CALN1: variants seen among roughly 807,000 people sequenced by gnomAD.
CALN1 encodes the protein calneuron 1.
CALN1 carries 17 observed loss-of-function variants against 30.6 expected under a neutral mutation model. The ratio of observed to expected loss-of-function variants is 0.56; its 90% CI spans 0.38 to 0.83. The LOEUF (loss-of-function observed/expected upper bound fraction) is 0.83, where lower values mean the gene tolerates loss of function less well. Among genes scored for constraint, CALN1 ranks in the 40% least tolerant of loss-of-function variants. The probability of loss-of-function intolerance (pLI) is 0.00; values close to 1 mark genes in which losing one functional copy is unlikely to be tolerated. For synonymous variants in CALN1, 156 were observed against 131.4 expected, an observed-to-expected ratio of 1.19 and a Z score of -1.28; for missense variants, 291 against 354.9, an observed-to-expected ratio of 0.82 and a Z score of 1.45.
intron 5 of CALN1, among the ~76,000 whole-genome samples, chr7:71,958,263 G>A (rs1473475339): frequency 1.3e-5 from 2 of 151,950 alleles, no homozygotes; most frequent in Admixed American, 1.3e-4. Flanking sequence ...CCCCCTTTAT[G>A]GAGTCCCCAG....
At chr7:72,070,824 C>G (rs1804340846) in intron 4 of CALN1, among the ~76,000 whole-genome samples, 1 of 152,162 alleles carries the variant, frequency 6.6e-6, no homozygotes, top group African/African-American at 2.4e-5. Flanking sequence ...GTCTCCTCCC[C>G]TGTCTATAAT....
intron 3 of CALN1, among the ~76,000 whole-genome samples, chr7:72,163,037 T>C (rs1788229343): frequency 6.6e-6 from 1 of 152,238 alleles, no homozygotes; most frequent in Non-Finnish European, 1.5e-5. Flanking sequence ...CTGAAAGTGC[T>C]GAGCAGAGAT....
At chr7:72,325,671 C>T (rs1026746366) in intron 2 of CALN1, among the ~76,000 whole-genome samples, 2 of 152,022 alleles carry the variant, frequency 1.3e-5, no homozygotes, top group Non-Finnish European at 2.9e-5. Context: ...AATGCAGGAA[C>T]CAAGTCAGTT....
intron 4 of CALN1, among the ~76,000 whole-genome samples, chr7:72,046,162 A>C (rs1802457541): frequency 6.6e-6 from 1 of 151,978 alleles, no homozygotes; most frequent in African/African-American, 2.4e-5. Flanking sequence ...GAAATACAAA[A>C]ATAAGCTGGG....
chr7:71,881,787 C>A (rs1330930076), intron 5 of CALN1, among the ~76,000 whole-genome samples: 2 of 151,982 alleles, frequency 1.3e-5, no homozygotes, highest in Non-Finnish European at 2.9e-5. Context: ...GCTTTGGAGG[C>A]CATAGCTGAG....
intron 2 of CALN1, chr7:72,337,331 C>T (rs1037488830): frequency 1.0e-5 from 10 of 960,910 alleles, no homozygotes; most frequent in Middle Eastern, 5.3e-4. Flanking sequence ...GGAGCCCCCA[C>T]CCCCCAACCT....
At chr7:71,973,078 T>C (rs776939897) in intron 5 of CALN1, among the ~76,000 whole-genome samples, 4 of 152,154 alleles carry the variant, frequency 2.6e-5, no homozygotes, top group Non-Finnish European at 5.9e-5. Flanking sequence ...GATGGTCTCA[T>C]TAACAGCAAC....
chr7:72,356,738 C>G (rs1803255043), intron 2 of CALN1, among the ~76,000 whole-genome samples: 1 of 151,858 alleles, frequency 6.6e-6, no homozygotes, highest in South Asian at 2.1e-4. Context: ...AATCAAAGAA[C>G]TAGAAGAACG....
chr7:72,336,709 G>A, intron 2 of CALN1: 1 of 985,660 alleles, frequency 1.0e-6, no homozygotes, highest in Non-Finnish European at 1.2e-6. Context: ...CTCACCTCTT[G>A]CTGGGCCGGG....
At chr7:72,199,803 A>C (rs573669) in intron 3 of CALN1, among the ~76,000 whole-genome samples, 1 of 152,006 alleles carries the variant, frequency 6.6e-6, no homozygotes, top group Non-Finnish European at 1.5e-5. Context: ...TTGCACCACT[A>C]TACTCCAGCC....
rs549227753 is a variant in CALN1 at position 72,023,635 on chromosome 7, G to A, written c.501+22C>T. On this transcript the variant is annotated intron_variant, in intron 5 of 6. Transcript: ENST00000395275. ...ACACATTTACTGTCAAACTTAGTCT[G>A]AAAAAAAATATTCTTACTCACCTGC... 5.7e-6 allele frequency: 9 copies of A among 1,584,636 alleles called. No individual in the cohort carries two copies. The African/African-American group carries it at 1.2e-4, about 21-fold the overall frequency.
chr7:72,186,266 G>GA (rs1373055496), intron 3 of CALN1, among the ~76,000 whole-genome samples: 1 of 152,114 alleles, frequency 6.6e-6, no homozygotes, highest in Non-Finnish European at 1.5e-5. Flanking sequence ...CTCAAATGGT[G>GA]ACTGTAGTTA....
At chr7:71,939,777 G>C (rs1016214947) in intron 5 of CALN1, among the ~76,000 whole-genome samples, 13 of 152,142 alleles carry the variant, frequency 8.5e-5, no homozygotes, top group African/African-American at 2.9e-4. Flanking sequence ...AGGACACAGA[G>C]GATACCTAGG....
At chr7:72,336,505 C>T (rs896940203) in intron 2 of CALN1, among the ~76,000 whole-genome samples, 4 of 152,094 alleles carry the variant, frequency 2.6e-5, no homozygotes, top group Admixed American at 6.5e-5. Context: ...CCGGCGCGGC[C>T]CCCAGCCCGC....
intron 2 of CALN1, among the ~76,000 whole-genome samples, chr7:72,328,118 A>G (rs571700908): frequency 1.3e-5 from 2 of 150,660 alleles, no homozygotes; most frequent in African/African-American, 4.8e-5. Context: ...TCTTTTTTTA[A>G]AAAAAAAATG....
At chr7:72,310,995 C>T (rs1269153697) in intron 2 of CALN1, among the ~76,000 whole-genome samples, 1 of 151,206 alleles carries the variant, frequency 6.6e-6, no homozygotes, top group African/African-American at 2.4e-5. Context: ...TTGAAAGGCA[C>T]GGGTGTACTT....
chr7:72,138,427 C>T lies in CALN1; in HGVS notation c.245-32133G>A, dbSNP rs113996259. Among the ~76,000 whole-genome samples, 1,492 of 152,218 alleles carry T rather than the reference C, an allele frequency of 9.8e-3. 23 individuals carry two copies. Among genetic ancestry groups the T allele is most frequent in the African/African-American group, 0.034 (1,414 of 41,516 alleles). ...CATGCTGGGGAGCATTTTCCCGACG[C>T]CATCTGAAGCCTCAGAGTAGAAATC... On this transcript the variant is annotated intron_variant, in intron 3 of 6. Coordinates refer to ENST00000395275, the MANE Select transcript of CALN1 (RefSeq NM_031468.4).
At chr7:72,070,954 G>A (rs1166902272) in intron 4 of CALN1, among the ~76,000 whole-genome samples, 1 of 152,186 alleles carries the variant, frequency 6.6e-6, no homozygotes, top group East Asian at 1.9e-4. Context: ...AAAACTGGAT[G>A]GAGAAGATGG....
chr7:72,202,355 T>G (rs993073079), intron 3 of CALN1, among the ~76,000 whole-genome samples: 3 of 152,042 alleles, frequency 2.0e-5, no homozygotes, highest in Non-Finnish European at 4.4e-5. Context: ...ATAATAAATT[T>G]TTCAGAATAG....
Sources: allele counts gnomAD v4.1 joint callset (sites outside exome capture counted in the v4.1 genomes callset), GRCh38; gene constraint gnomAD v4.1.1; transcripts MANE v1.5; gene names NCBI Gene and HGNC (gene_info 2026-07-23, HGNC 2026-07-21).